The following RB1 variants were observed in gnomAD, a reference collection of about 807,000 sequenced individuals.
The protein encoded by RB1 is RB transcriptional corepressor 1.
RB1 carries 18 observed loss-of-function variants against 135.4 expected under a neutral mutation model. The observed-to-expected ratio is 0.13, with a 90% confidence interval of 0.09 to 0.20. The LOEUF is 0.20. RB1 is among the 10% of genes least tolerant of loss of function. The pLI is 1.00. For synonymous variants in RB1, 365 were observed against 373.2 expected (o/e 0.98, Z 0.25); for missense variants, 868 against 1,110.0 (o/e 0.78, Z 3.10).
intron 2 of RB1, among the ~76,000 whole-genome samples, chr13:48,338,615 T>C (rs1472437233): frequency 6.6e-6 from 1 of 152,202 alleles, no homozygotes; most frequent in Non-Finnish European, 1.5e-5. Flanking sequence ...TTCTTTATGT[T>C]GGGTTAGAAC....
At chr13:48,328,369 C>T in intron 2 of RB1, 1 of 1,545,224 alleles carries the variant, frequency 6.5e-7, no homozygotes, top group East Asian at 2.2e-5. Flanking sequence ...ATGGGTGATG[C>T]TTTCTTTGTC....
Position 48,304,074 on chromosome 13 carries a change from C to T in RB1, c.137+25C>T, listed in dbSNP as rs1451382493. On this transcript the variant is annotated intron_variant, in intron 1 of 26. Coordinates refer to ENST00000267163, the MANE Select transcript of RB1 (RefSeq NM_000321.3). ...GGTGAGCGAGCAGAGCCGCCGTCGC[C>T]TCACGCGGGAAGGGCGCCCCGGGTG... 4 of 1,399,924 alleles carry T rather than the reference C, an allele frequency of 2.9e-6. No homozygotes were observed. The African/African-American group carries it at 4.5e-5, about 16-fold the overall frequency. The allele number at this position is 1,399,924 out of a possible 1,614,324, so 86.7% of individuals were successfully genotyped here. A position where few individuals can be genotyped will look rare whatever the true frequency, so the allele number is the denominator to read the frequency against.
At chr13:48,394,672 G>T (rs527295331) in intron 17 of RB1, among the ~76,000 whole-genome samples, 29 of 152,324 alleles carry the variant, frequency 1.9e-4, no homozygotes, top group Middle Eastern at 6.8e-3. Flanking sequence ...CCCTAAATCC[G>T]CTGTAGCCAG....
Position 48,480,329 on chromosome 13 carries a change from T to C in RB1, c.*258T>C. On this transcript the variant is annotated 3_prime_UTR_variant, in exon 27 of 27. Transcript: ENST00000267163. ...AAAGTTGTAGCAGATTGTTTCCTCT[T>C]CCAAAGTAAAATTGCTGTGCTTTAT... The C allele has an allele frequency of 1.9e-6, 1 of 524,828 alleles. No homozygotes were observed. The highest frequency in any genetic ancestry group is 3.4e-6 in the Non-Finnish European group (1 of 290,124). The allele number at this position is 524,828 out of a possible 1,614,324, so 32.5% of individuals were successfully genotyped here.
intron 17 of RB1, among the ~76,000 whole-genome samples, chr13:48,414,342 C>CAAA (rs199626771): frequency 1.1e-5 from 1 of 93,122 alleles, no homozygotes; most frequent in Admixed American, 1.2e-4. Context: ...GAGACTATCT[C>CAAA]AAAAAAAAAA....
chr13:48,454,945 A>C (rs1347668078), intron 18 of RB1, among the ~76,000 whole-genome samples: 1 of 151,720 alleles, frequency 6.6e-6, no homozygotes, highest in Non-Finnish European at 1.5e-5. Flanking sequence ...GATCTTGTAG[A>C]GATCTCCACT....
At chr13:48,408,971 G>T (rs533040594) in intron 17 of RB1, among the ~76,000 whole-genome samples, 41 of 152,134 alleles carry the variant, frequency 2.7e-4, no homozygotes, top group African/African-American at 9.9e-4. Context: ...ATTGGTAGTT[G>T]CTTCTCAACT....
chr13:48,385,166 CT>C (rs1948563004), intron 17 of RB1, among the ~76,000 whole-genome samples: 1 of 152,148 alleles, frequency 6.6e-6, no homozygotes, highest in African/African-American at 2.4e-5. Flanking sequence ...ATTCTGGACT[CT>C]TCCTATTGAT....
intron 2 of RB1, among the ~76,000 whole-genome samples, chr13:48,333,639 T>A (rs1288463262): frequency 1.3e-5 from 2 of 151,952 alleles, no homozygotes; most frequent in African/African-American, 4.8e-5. Context: ...AATGTGTGAA[T>A]GGGAGCTGAA....
chr13:48,356,618 A>G (rs1952594238), intron 6 of RB1, among the ~76,000 whole-genome samples: 1 of 151,976 alleles, frequency 6.6e-6, no homozygotes, highest in Admixed American at 6.6e-5. Context: ...TTTTATTGTT[A>G]TGACATTATC....
In RB1 at chr13:48,383,050, G is replaced by T. The variant is rs564302890; in HGVS notation, c.1695+1607G>T. On this transcript the variant is annotated intron_variant, in intron 17 of 26. Coordinates refer to ENST00000267163, the MANE Select transcript of RB1 (RefSeq NM_000321.3). ...GAGGGCCCTGTTCTAAACCAAAACA[G>T]AATTCTTTAAAGTATTTAGATAATT... 3.9e-5 allele frequency among the ~76,000 whole-genome samples: 6 copies of T among 152,112 alleles called. No individual in the cohort carries two copies. In the East Asian group the frequency reaches 1.2e-3, roughly 29 times the overall value.
intron 11 of RB1, among the ~76,000 whole-genome samples, chr13:48,369,827 C>A (rs978256221): frequency 1.3e-5 from 2 of 152,148 alleles, no homozygotes; most frequent in African/African-American, 4.8e-5. Context: ...TCATCCTGTT[C>A]CATTCCTTTA....
chr13:48,394,381 C>G (rs537652050), intron 17 of RB1, among the ~76,000 whole-genome samples: 21 of 152,246 alleles, frequency 1.4e-4, no homozygotes, highest in African/African-American at 4.8e-4. Context: ...TCCAGTGGTG[C>G]CTGGAATGAC....
intron 5 of RB1, among the ~76,000 whole-genome samples, chr13:48,348,551 T>A (rs1224464841): frequency 6.6e-6 from 1 of 151,810 alleles, no homozygotes; most frequent in East Asian, 1.9e-4. Context: ...GAGCAAAAAA[T>A]ATTAAGGTAA....
At chr13:48,325,022 G>A (rs1026915427) in intron 2 of RB1, among the ~76,000 whole-genome samples, 13 of 151,108 alleles carry the variant, frequency 8.6e-5, no homozygotes, top group African/African-American at 3.2e-4. Flanking sequence ...GTGCAGTTTT[G>A]TTACATAGGT....
intron 17 of RB1, among the ~76,000 whole-genome samples, chr13:48,410,787 A>C (rs1325775184): frequency 1.3e-5 from 2 of 152,178 alleles, no homozygotes; most frequent in East Asian, 3.8e-4. Context: ...AATTGCCTAC[A>C]CAGACCAAAC....
intron 6 of RB1, among the ~76,000 whole-genome samples, chr13:48,356,461 ATGAAAAAATG>A (rs1336765541): frequency 6.6e-6 from 1 of 152,056 alleles, no homozygotes; most frequent in African/African-American, 2.4e-5. Context: ...CTCTAAGATT[ATGAAAAAATG>A]TGAAAAAATT....
In RB1 at chr13:48,433,682, AT is replaced by A. The variant is rs10665957; in HGVS notation, c.1696-19298del. 1.2e-4 allele frequency among the ~76,000 whole-genome samples: 17 copies of A among 147,184 alleles called. No homozygotes were observed. In the South Asian group the frequency reaches 2.1e-3, roughly 18 times the overall value. ...TTTGTTTTACTGTTAACAAAAATGC[AT>A]TTTTTTTTTTTTACCTTTAGTAGGT... On this transcript the variant is annotated intron_variant, in intron 17 of 26. Coordinates refer to ENST00000267163, the MANE Select transcript of RB1 (RefSeq NM_000321.3).
At chr13:48,321,132 C>T (rs974253359) in intron 2 of RB1, among the ~76,000 whole-genome samples, 1 of 152,122 alleles carries the variant, frequency 6.6e-6, no homozygotes, top group Admixed American at 6.5e-5. Flanking sequence ...ACCCACCGCG[C>T]TGACCCTGCC....
Sources: gnomAD v4.1 joint callset for allele counts (sites outside exome capture counted in the v4.1 genomes callset) on GRCh38, gnomAD v4.1.1 for gene constraint, MANE v1.5 for transcripts, NCBI Gene and HGNC (gene_info 2026-07-23, HGNC 2026-07-21) for gene names.